PPP1R9A: variants seen among roughly 807,000 people sequenced by gnomAD.
PPP1R9A encodes neurabin-1.
A neutral mutation model predicts 141.9 loss-of-function variants in PPP1R9A; 59 were observed. The ratio of observed to expected loss-of-function variants is 0.42; its 90% CI spans 0.34 to 0.52. The LOEUF (loss-of-function observed/expected upper bound fraction) is 0.52. Among genes scored for constraint, PPP1R9A ranks in the 20% least tolerant of loss-of-function variants. PPP1R9A has a pLI of 0.10. For missense variants in PPP1R9A, 1,444 were observed against 1,611.9 expected (o/e 0.90, Z 1.78); for synonymous variants, 500 against 569.7 (o/e 0.88, Z 1.74).
intron 2 of PPP1R9A, among the ~76,000 whole-genome samples, chr7:94,925,149 G>A (rs1228899047): frequency 6.6e-6 from 1 of 152,134 alleles, no homozygotes; most frequent in African/African-American, 2.4e-5. Flanking sequence ...GCAGGCTAGA[G>A]ATTCAGGGAA....
intron 4 of PPP1R9A, among the ~76,000 whole-genome samples, chr7:95,121,660 C>A (rs778304855): frequency 3.2e-4 from 48 of 151,976 alleles, no homozygotes; most frequent in Non-Finnish European, 5.3e-4. Context: ...TTATATGGCT[C>A]ATGGTTCTGG....
intron 2 of PPP1R9A, among the ~76,000 whole-genome samples, chr7:94,964,231 TTAA>T (rs1797960507): frequency 2.0e-5 from 3 of 152,166 alleles, no homozygotes. Flanking sequence ...TTGGCTGTTA[TTAA>T]TAATGCTGCT....
chr7:95,106,913 C>T (rs929305925), intron 2 of PPP1R9A, among the ~76,000 whole-genome samples: 1 of 152,030 alleles, frequency 6.6e-6, no homozygotes, highest in East Asian at 1.9e-4. Context: ...AATTCTGCCA[C>T]AGCCTCCCGA....
intron 13 of PPP1R9A, 116 bp downstream of exon 13, chr7:95,268,823 G>A: frequency 8.2e-7 from 1 of 1,215,662 alleles, no homozygotes; most frequent in Non-Finnish European, 1.1e-6. Flanking sequence ...TTGGTAAGCA[G>A]CTAGAATAGT....
At chr7:94,919,073 CTT>C (rs1294395914) in intron 2 of PPP1R9A, among the ~76,000 whole-genome samples, 1 of 152,178 alleles carries the variant, frequency 6.6e-6, no homozygotes, top group Non-Finnish European at 1.5e-5. Flanking sequence ...CCGCACTTCT[CTT>C]AATGTAATCT....
chr7:95,097,686 AT>A (rs1818225232), intron 2 of PPP1R9A, among the ~76,000 whole-genome samples: 1 of 152,126 alleles, frequency 6.6e-6, no homozygotes, highest in Non-Finnish European at 1.5e-5. Context: ...ATCCTTTTTA[AT>A]TTTACTTTTC....
At chr7:95,220,803 T>C (rs1464498309) in intron 7 of PPP1R9A, among the ~76,000 whole-genome samples, 1 of 151,974 alleles carries the variant, frequency 6.6e-6, no homozygotes, top group Non-Finnish European at 1.5e-5. Flanking sequence ...AAGGAGTGAA[T>C]TAGGAGAGTC....
chr7:95,141,384 A>T (rs997561071), intron 4 of PPP1R9A, among the ~76,000 whole-genome samples: 5 of 152,296 alleles, frequency 3.3e-5, no homozygotes, highest in African/African-American at 1.2e-4. Flanking sequence ...TACTCATTTA[A>T]AGTGTACAAT....
intron 2 of PPP1R9A, among the ~76,000 whole-genome samples, chr7:95,071,085 G>C (rs1813753487): frequency 6.6e-6 from 1 of 151,976 alleles, no homozygotes; most frequent in African/African-American, 2.4e-5. Context: ...ATTGTCACTT[G>C]ATTCACATGT....
Position 95,240,853 on chromosome 7 carries a change from A to C in PPP1R9A, c.2113-6620A>C, listed in dbSNP as rs1232141709. Among the ~76,000 whole-genome samples the C allele has an allele frequency of 2.0e-5, 3 of 152,098 alleles. No homozygotes were observed. The East Asian group carries it at 5.8e-4, about 29-fold the overall frequency. On this transcript the variant is annotated intron_variant, in intron 8 of 19. Transcript: ENST00000433360. ...TTTACTTATTTGTGTGTTCAAGTTG[A>C]TATTTTCTTTACCTTGATTTGCAGT...
intron 2 of PPP1R9A, among the ~76,000 whole-genome samples, chr7:94,925,914 C>T (rs909649441): frequency 6.6e-6 from 1 of 152,092 alleles, no homozygotes; most frequent in Non-Finnish European, 1.5e-5. Context: ...ACAGCCTCGA[C>T]CTCTGGGCTC....
At chr7:95,062,683 C>T (rs530919056) in intron 2 of PPP1R9A, among the ~76,000 whole-genome samples, 25 of 152,002 alleles carry the variant, frequency 1.6e-4, no homozygotes, top group African/African-American at 5.5e-4. Context: ...CCACCGCACC[C>T]GGCCAAGGGG....
intron 2 of PPP1R9A, among the ~76,000 whole-genome samples, chr7:94,932,713 C>A (rs1020166798): frequency 6.6e-6 from 1 of 151,616 alleles, no homozygotes; most frequent in South Asian, 2.1e-4. Flanking sequence ...TTTTCATATG[C>A]CTCTCTTCAT....
chr7:95,236,181 G>A (rs1046280083), intron 8 of PPP1R9A, among the ~76,000 whole-genome samples: 2 of 152,036 alleles, frequency 1.3e-5, no homozygotes, highest in African/African-American at 4.8e-5. Context: ...GATTATATTT[G>A]CTTCAATATA....
rs139761162 is a variant in PPP1R9A at position 95,088,048 on chromosome 7, A to G, written c.1396-23211A>G. On this transcript the variant is annotated intron_variant, in intron 2 of 19. Transcript: ENST00000433360. Reference sequence around the variant, plus strand: ...AGAATTTTAAAAAATAAAATCTTGCAAGATACACTATATTGTTTGAGCTTT... The same window carrying G: ...AGAATTTTAAAAAATAAAATCTTGCGAGATACACTATATTGTTTGAGCTTT... 4.3e-4 allele frequency among the ~76,000 whole-genome samples: 66 copies of G among 152,144 alleles called. 1 individual carries two copies. The East Asian group carries it at 7.5e-3, about 17-fold the overall frequency.
intron 4 of PPP1R9A, among the ~76,000 whole-genome samples, chr7:95,146,200 C>T (rs997814247): frequency 8.5e-5 from 13 of 152,192 alleles, no homozygotes; most frequent in South Asian, 4.1e-4. Flanking sequence ...TTCTTACTGG[C>T]GTGAGATGGT....
rs1457117103 is a variant in PPP1R9A at position 95,101,800 on chromosome 7, CT to C, written c.1396-9452del. Among the ~76,000 whole-genome samples, 4 of 152,276 alleles carry C rather than the reference CT, an allele frequency of 2.6e-5. No individual in the cohort carries two copies. The East Asian group carries it at 5.8e-4, about 22-fold the overall frequency. On this transcript the variant is annotated intron_variant, in intron 2 of 19. Coordinates refer to ENST00000433360, the MANE Select transcript of PPP1R9A (RefSeq NM_001166160.2). The stretch of plus-strand genomic sequence containing the variant: ...AAATATAAATTGACCTTTACTTTCT[CT>C]TTTTTTCCCGTAGTTTTGCAAGAAA...
At chr7:94,937,991 C>T (rs1320285513) in intron 2 of PPP1R9A, among the ~76,000 whole-genome samples, 3 of 152,204 alleles carry the variant, frequency 2.0e-5, no homozygotes, top group Middle Eastern at 3.4e-3. Context: ...TTGAGGGGAG[C>T]TGGGCTGACA....
intron 2 of PPP1R9A, chr7:95,035,771 C>G (rs1231440993): frequency 6.6e-6 from 1 of 152,140 alleles, no homozygotes; most frequent in Non-Finnish European, 1.5e-5. Context: ...ATAAAAAAAC[C>G]TTGCATTCTT....
Sources: gnomAD v4.1 joint callset for allele counts (sites outside exome capture counted in the v4.1 genomes callset) on GRCh38, gnomAD v4.1.1 for gene constraint, MANE v1.5 for transcripts, NCBI Gene and HGNC (gene_info 2026-07-23, HGNC 2026-07-21) for gene names.